NAA11: variants seen among roughly 807,000 people sequenced by gnomAD.
NAA11 encodes the protein N-alpha-acetyltransferase 11, NatA catalytic subunit.
NAA11 carries 15 observed loss-of-function variants against 16.1 expected under a neutral mutation model. The ratio of observed to expected loss-of-function variants is 0.93; its 90% CI spans 0.62 to 1.44. The LOEUF (loss-of-function observed/expected upper bound fraction) is 1.44. Ranked by LOEUF, NAA11 falls within the 40% of genes most tolerant of loss-of-function variation. NAA11 has a pLI of 0.00. For missense variants in NAA11, 298 were observed against 291.3 expected, an observed-to-expected ratio of 1.02 and a Z score of -0.17; for synonymous variants, 122 against 112.4, an observed-to-expected ratio of 1.09 and a Z score of -0.54.
chr4:79,287,694 G>GGAGA (rs143719268), intron 2 of NAA11, among the ~76,000 whole-genome samples: 6 of 145,916 alleles, frequency 4.1e-5, no homozygotes, highest in South Asian at 4.3e-4. Flanking sequence ...AGAGAAAGAG[G>GGAGA]GAGAGAGAGA....
the NAA11 span, among the ~76,000 whole-genome samples, chr4:79,192,258 AG>A: frequency 6.6e-6 from 1 of 151,674 alleles, no homozygotes; most frequent in East Asian, 1.9e-4. Flanking sequence ...TTTAGGTTTT[AG>A]GGTACATGTG....
intron 2 of NAA11, among the ~76,000 whole-genome samples, chr4:79,265,064 C>G (rs182098345): frequency 6.6e-6 from 1 of 152,294 alleles, no homozygotes; most frequent in East Asian, 1.9e-4. Context: ...ACAATTTTCC[C>G]TATCTCAATA....
the NAA11 span, among the ~76,000 whole-genome samples, chr4:79,193,094 G>T: frequency 6.6e-6 from 1 of 151,722 alleles, no homozygotes; most frequent in Non-Finnish European, 1.5e-5. Flanking sequence ...TTGTAAATTT[G>T]TTTGAGTTCA....
the NAA11 span, among the ~76,000 whole-genome samples, chr4:79,160,734 A>G: frequency 2.0e-5 from 3 of 152,158 alleles, no homozygotes. Context: ...AGTTCTTTAT[A>G]TATTTTGGCA....
At chr4:79,290,702 C>T (rs1723060146) in intron 2 of NAA11, among the ~76,000 whole-genome samples, 1 of 152,010 alleles carries the variant, frequency 6.6e-6, no homozygotes, top group South Asian at 2.1e-4. Flanking sequence ...GTCTCAGATC[C>T]CATATGGTAA....
chr4:79,156,323 G>GTT, the NAA11 span, among the ~76,000 whole-genome samples: 7 of 38,392 alleles, frequency 1.8e-4, no homozygotes, highest in African/African-American at 2.5e-4. Context: ...ATGTGTGTGT[G>GTT]TGTGTGTATA....
chr4:79,275,960 G>A (rs189001184), intron 2 of NAA11, among the ~76,000 whole-genome samples: 55 of 152,184 alleles, frequency 3.6e-4, no homozygotes, highest in African/African-American at 1.3e-3. Flanking sequence ...AACCAAACCA[G>A]TGCTTAATCA....
chr4:79,240,140 T>C (rs1721659518), intron 2 of NAA11, among the ~76,000 whole-genome samples: 1 of 152,222 alleles, frequency 6.6e-6, no homozygotes, highest in African/African-American at 2.4e-5. Flanking sequence ...TCTGCCAGCA[T>C]TGAACTCACA....
At chr4:79,318,241 G>A (rs562596822) in intron 1 of NAA11, among the ~76,000 whole-genome samples, 1 of 152,312 alleles carries the variant, frequency 6.6e-6, no homozygotes, top group East Asian at 1.9e-4. Context: ...TAAGTTAGAT[G>A]CAATGTGTCC....
chr4:79,262,629 C>T (rs927309034), intron 2 of NAA11, among the ~76,000 whole-genome samples: 5 of 152,080 alleles, frequency 3.3e-5, no homozygotes, highest in Non-Finnish European at 7.4e-5. Flanking sequence ...TACCAGAAGC[C>T]TAAGGACAAA....
chr4:79,315,506 A>G (rs1341502679), downstream of NAA11, among the ~76,000 whole-genome samples: 2 of 152,202 alleles, frequency 1.3e-5, no homozygotes, highest in Non-Finnish European at 2.9e-5. Context: ...GAGCTGATCA[A>G]TATCTTTAAA....
chr4:79,163,265 G>T, the NAA11 span, among the ~76,000 whole-genome samples: 12 of 152,114 alleles, frequency 7.9e-5, no homozygotes, highest in African/African-American at 2.7e-4. Flanking sequence ...TCCTGAATGT[G>T]CATTTCCGCA....
At chr4:79,208,952 A>G in the NAA11 span, among the ~76,000 whole-genome samples, 1 of 147,910 alleles carries the variant, frequency 6.8e-6, no homozygotes, top group East Asian at 2.0e-4. Context: ...AAAAAACCCC[A>G]AAAAACCAAA....
intron 1 of NAA11, among the ~76,000 whole-genome samples, chr4:79,321,083 T>C (rs751998206): frequency 2.0e-5 from 3 of 152,166 alleles, no homozygotes; most frequent in African/African-American, 7.2e-5. Flanking sequence ...CAGAATCCCA[T>C]AGTTTTCCAC....
chr4:79,188,980 G>A, the NAA11 span, among the ~76,000 whole-genome samples: 1 of 150,926 alleles, frequency 6.6e-6, no homozygotes. Flanking sequence ...GCCTGTAATC[G>A]CAGCACTTTG....
At chr4:79,220,548 G>C in the NAA11 span, among the ~76,000 whole-genome samples, 3 of 151,912 alleles carry the variant, frequency 2.0e-5, no homozygotes, top group Non-Finnish European at 4.4e-5. Flanking sequence ...AATAATATAT[G>C]TGATTATATA....
intron 2 of NAA11, among the ~76,000 whole-genome samples, chr4:79,260,245 A>G (rs993785810): frequency 6.6e-6 from 1 of 152,146 alleles, no homozygotes; most frequent in Non-Finnish European, 1.5e-5. Flanking sequence ...ATCCTCATCC[A>G]CTTTTATTTT....
chr4:79,200,720 T>G, the NAA11 span, among the ~76,000 whole-genome samples: 2 of 151,816 alleles, frequency 1.3e-5, no homozygotes, highest in Non-Finnish European at 2.9e-5. Context: ...AATTGAGTTT[T>G]CCTGTCATTG....
chr4:79,286,577 TAC>T (rs1722941706), intron 2 of NAA11, among the ~76,000 whole-genome samples: 1 of 152,136 alleles, frequency 6.6e-6, no homozygotes, highest in Admixed American at 6.6e-5. Context: ...CACATGAGAT[TAC>T]AGTTGATTGA....
Sources: gnomAD v4.1 joint callset for allele counts (sites outside exome capture counted in the v4.1 genomes callset) on GRCh38, gnomAD v4.1.1 for gene constraint, MANE v1.5 for transcripts, NCBI Gene and HGNC (gene_info 2026-07-23, HGNC 2026-07-21) for gene names.